The following SIPA1L3 variants were observed in gnomAD, a reference collection of about 807,000 sequenced individuals.
SIPA1L3 encodes signal-induced proliferation-associated 1-like protein 3.
In SIPA1L3, 59 loss-of-function variants were observed where a neutral mutation model predicts 150.1. The ratio of observed to expected loss-of-function variants is 0.39; its 90% CI spans 0.32 to 0.49. The LOEUF is 0.49. SIPA1L3 is among the 20% of genes least tolerant of loss of function. The pLI, the probability that SIPA1L3 is intolerant of heterozygous loss-of-function variation, is 0.86. For synonymous variants in SIPA1L3, 1,070 were observed against 1,077.6 expected (o/e 0.99, Z 0.14); for missense variants, 2,211 against 2,489.5 (o/e 0.89, Z 2.38).
chr19:38,001,987 T>G (rs984197175), intron 1 of SIPA1L3, among the ~76,000 whole-genome samples: 1 of 152,230 alleles, frequency 6.6e-6, no homozygotes, highest in Non-Finnish European at 1.5e-5. Context: ...GCACAACTCA[T>G]TTAGTAACCT....
chr19:38,162,796 C>G (rs1311539507), intron 14 of SIPA1L3, among the ~76,000 whole-genome samples: 1 of 152,238 alleles, frequency 6.6e-6, no homozygotes, highest in East Asian at 1.9e-4. Context: ...TCAGAGGTTC[C>G]AAGCCCTCTG....
intron 7 of SIPA1L3, among the ~76,000 whole-genome samples, chr19:38,107,408 TG>T (rs1436036838): frequency 6.6e-6 from 1 of 152,060 alleles, no homozygotes; most frequent in African/African-American, 2.4e-5. Flanking sequence ...TGGGTGGGTG[TG>T]GCTGCCAGCA....
intron 1 of SIPA1L3, among the ~76,000 whole-genome samples, chr19:37,966,212 T>C (rs767145121): frequency 2.6e-4 from 39 of 152,332 alleles, no homozygotes; most frequent in Non-Finnish European, 4.6e-4. Context: ...TTTGAAGAAA[T>C]GTTCCTCAGG....
At position 38,203,438 on chromosome 19, in the gene SIPA1L3, C is replaced by T. The variant is rs1287547999; in HGVS notation, c.5121-689C>T. The stretch of plus-strand genomic sequence containing the variant: ...CATCCAGTGGAGCCTCCTTCAGCCC[C>T]AACTCCAAGCAGGAAAGGGCTGCGC... On this transcript the variant is annotated intron_variant, in intron 20 of 21. Coordinates refer to ENST00000222345, the MANE Select transcript of SIPA1L3 (RefSeq NM_015073.3). Among the ~76,000 whole-genome samples, 3 of 152,276 alleles carry T rather than the reference C, an allele frequency of 2.0e-5. No individual in the cohort carries two copies. The East Asian group carries it at 5.8e-4, about 29-fold the overall frequency.
intron 11 of SIPA1L3, among the ~76,000 whole-genome samples, chr19:38,141,786 C>G (rs983274200): frequency 1.3e-5 from 2 of 152,092 alleles, no homozygotes; most frequent in African/African-American, 4.8e-5. Flanking sequence ...AGTTAGAGAG[C>G]TTGGGCAACA....
chr19:37,928,873 C>T (rs2046528924), intron 1 of SIPA1L3, among the ~76,000 whole-genome samples: 1 of 152,154 alleles, frequency 6.6e-6, no homozygotes, highest in Admixed American at 6.6e-5. Context: ...TAAGCAGTTC[C>T]ACAATGCCTG....
intron 7 of SIPA1L3, among the ~76,000 whole-genome samples, chr19:38,107,414 C>T (rs1600080383): frequency 6.6e-6 from 1 of 152,130 alleles, no homozygotes; most frequent in Non-Finnish European, 1.5e-5. Context: ...GGTGTGGCTG[C>T]CAGCAGGAGG....
rs1181621197 is a variant in SIPA1L3, at chr19:38,082,688, G to GCTTCCGCCGCCTCGGCCA, written c.1124_1141dup (p.Ala380_Met381insThrSerAlaAlaSerAla). The GCTTCCGCCGCCTCGGCCA allele has an allele frequency of 6.2e-7, 1 of 1,609,248 alleles. No homozygotes were observed. The highest frequency in any genetic ancestry group is 2.2e-5 in the East Asian group (1 of 44,816). ...GAACACCACCACGGGTGCTTCGGCCGCTTCCGCCGCCTCGGCCATGGCCTC... is the reference window on the plus strand; with the variant it reads ...GAACACCACCACGGGTGCTTCGGCCGCTTCCGCCGCCTCGGCCACTTCCGCCGCCTCGGCCATGGCCTC... On this transcript the variant is annotated inframe_insertion, in exon 3 of 22. Coordinates refer to ENST00000222345, the MANE Select transcript of SIPA1L3 (RefSeq NM_015073.3).
chr19:38,024,832 G>T (rs1296569291), intron 1 of SIPA1L3, among the ~76,000 whole-genome samples: 2 of 152,110 alleles, frequency 1.3e-5, no homozygotes, highest in African/African-American at 2.4e-5. Flanking sequence ...TGTGCTGTTA[G>T]TTTGTTGTAA....
intron 10 of SIPA1L3, among the ~76,000 whole-genome samples, chr19:38,134,275 C>T (rs1394961623): frequency 6.6e-6 from 1 of 151,378 alleles, no homozygotes. Flanking sequence ...TGAGCCACTG[C>T]ACCCAGCCCA....
At chr19:37,988,085 C>T (rs554226112) in intron 1 of SIPA1L3, among the ~76,000 whole-genome samples, 105 of 152,322 alleles carry the variant, frequency 6.9e-4, no homozygotes, top group African/African-American at 2.5e-3. Context: ...AGCAGTCTCT[C>T]ATTATCCTGC....
chr19:38,082,627 G>A lies in SIPA1L3; in HGVS notation c.1062G>A (p.Glu354=). The change falls in exon 3 of 22, where the codon GAG becomes GAA. Residue 354 remains glutamate, a synonymous_variant. Transcript: ENST00000222345. ...AGAGCATGCTGTTCGACCTCAACGAGGCGGCCGCCAACAGGGTGTCGGTGT... is the reference window on the plus strand; with the variant it reads ...AGAGCATGCTGTTCGACCTCAACGAAGCGGCCGCCAACAGGGTGTCGGTGT... The part of the protein sequence containing the change: ...DVQSMLFDLN[E]AAANRVSVSQ... 21 of 1,605,336 alleles carry A rather than the reference G, an allele frequency of 1.3e-5. No individual in the cohort carries two copies. Among genetic ancestry groups the A allele is most frequent in the Non-Finnish European group, 1.7e-5 (20 of 1,179,748 alleles).
intron 13 of SIPA1L3, 94 bp downstream of exon 13, chr19:38,153,061 A>C: frequency 6.9e-7 from 1 of 1,445,628 alleles, no homozygotes; most frequent in East Asian, 2.4e-5. Context: ...CCCTCTTGTG[A>C]GTGACGGATA....
At chr19:37,942,206 T>C (rs1029100849) in intron 1 of SIPA1L3, among the ~76,000 whole-genome samples, 1 of 151,920 alleles carries the variant, frequency 6.6e-6, no homozygotes, top group African/African-American at 2.4e-5. Context: ...ATTGTTTAGG[T>C]TGGGGGACAC....
At chr19:37,970,654 T>C (rs1966911573) in intron 1 of SIPA1L3, among the ~76,000 whole-genome samples, 1 of 152,218 alleles carries the variant, frequency 6.6e-6, no homozygotes, top group South Asian at 2.1e-4. Flanking sequence ...CCTCCTCTCC[T>C]GCAGGATGTG....
At chr19:38,002,533 G>A (rs1967830154) in intron 1 of SIPA1L3, among the ~76,000 whole-genome samples, 1 of 150,938 alleles carries the variant, frequency 6.6e-6, no homozygotes, top group African/African-American at 2.4e-5. Flanking sequence ...AACAGATTGA[G>A]ACCATCCTGG....
intron 12 of SIPA1L3, among the ~76,000 whole-genome samples, chr19:38,148,031 A>C (rs1971737780): frequency 6.7e-6 from 1 of 149,722 alleles, no homozygotes; most frequent in Non-Finnish European, 1.5e-5. Flanking sequence ...TGACAGAGTG[A>C]GACTCTGTCC....
chr19:37,965,560 T>C lies in SIPA1L3; in HGVS notation c.-379+58202T>C, dbSNP rs117839310. ...CAATCTCCTAACCTCATGATCTGCC[T>C]GCGTCGTTCTCCCAAAGTGCTGGGA... On this transcript the variant is annotated intron_variant, in intron 1 of 21. Transcript: ENST00000222345. 7.1e-3 allele frequency among the ~76,000 whole-genome samples: 1,079 copies of C among 152,214 alleles called. 36 individuals are homozygous for C. Among genetic ancestry groups the C allele is most frequent in the East Asian group, 0.066 (340 of 5,184 alleles).
intron 3 of SIPA1L3, among the ~76,000 whole-genome samples, chr19:38,084,313 G>A (rs1429904957): frequency 3.3e-5 from 5 of 152,056 alleles, no homozygotes; most frequent in African/African-American, 4.8e-5. Flanking sequence ...TTATTGGAAC[G>A]CTAAGCATGT....
Sources: gnomAD v4.1 joint callset for allele counts (sites outside exome capture counted in the v4.1 genomes callset) on GRCh38, gnomAD v4.1.1 for gene constraint, MANE v1.5 for transcripts, NCBI Gene and HGNC (gene_info 2026-07-23, HGNC 2026-07-21) for gene names.